Variants in CLSTN2 observed in about 807,000 individuals in gnomAD.
CLSTN2 encodes calsyntenin 2, also known as calsyntenin-2.
CLSTN2 carries 48 observed loss-of-function variants against 101.2 expected under a neutral mutation model. The ratio of observed to expected loss-of-function variants is 0.47; its 90% CI spans 0.38 to 0.60. The LOEUF (loss-of-function observed/expected upper bound fraction) is 0.60, where lower values mean the gene tolerates loss of function less well. Among genes scored for constraint, CLSTN2 ranks in the 20% least tolerant of loss-of-function variants. CLSTN2 has a pLI of 0.00. For missense variants in CLSTN2, 1,160 were observed against 1,238.2 expected, an observed-to-expected ratio of 0.94 and a Z score of 0.95; for synonymous variants, 481 against 463.6, an observed-to-expected ratio of 1.04 and a Z score of -0.48.
intron 2 of CLSTN2, among the ~76,000 whole-genome samples, chr3:140,251,716 CA>C (rs2086566200): frequency 6.6e-6 from 1 of 151,430 alleles, no homozygotes; most frequent in Admixed American, 6.6e-5. Flanking sequence ...TTCATGCTGC[CA>C]ATGGTACATT....
chr3:140,163,312 G>C (rs924876717), intron 1 of CLSTN2, among the ~76,000 whole-genome samples: 1 of 151,962 alleles, frequency 6.6e-6, no homozygotes, highest in African/African-American at 2.4e-5. Flanking sequence ...CAAGATTGCA[G>C]CATCAACTTC....
At chr3:140,371,704 C>T (rs1177420095) in intron 2 of CLSTN2, among the ~76,000 whole-genome samples, 1 of 152,194 alleles carries the variant, frequency 6.6e-6, no homozygotes, top group Non-Finnish European at 1.5e-5. Context: ...TAGGACTAGC[C>T]AAGGACCACA....
intron 5 of CLSTN2, among the ~76,000 whole-genome samples, chr3:140,434,223 GA>G (rs1227933592): frequency 6.6e-6 from 1 of 152,160 alleles, no homozygotes; most frequent in East Asian, 1.9e-4. Context: ...GTGGAGGGAG[GA>G]ACTGGATGGA....
intron 2 of CLSTN2, among the ~76,000 whole-genome samples, chr3:140,350,351 G>A (rs551521850): frequency 3.3e-5 from 5 of 152,262 alleles, no homozygotes; most frequent in East Asian, 3.9e-4. Context: ...ACTAAAAAGC[G>A]AGCTACAGAA....
chr3:140,164,997 A>G (rs747076692), intron 1 of CLSTN2, among the ~76,000 whole-genome samples: 5 of 152,090 alleles, frequency 3.3e-5, no homozygotes, highest in Non-Finnish European at 7.4e-5. Flanking sequence ...AAGGAAGGAA[A>G]GCAATGTTCT....
chr3:140,268,750 GT>G (rs1401678465), intron 2 of CLSTN2, among the ~76,000 whole-genome samples: 4 of 152,274 alleles, frequency 2.6e-5, no homozygotes, highest in African/African-American at 9.6e-5. Flanking sequence ...ACTGTACATG[GT>G]ATAGTTGGCA....
rs750917702 is a variant in CLSTN2, at chr3:140,558,685, C to T, written c.1869C>T (p.Ala623=). The change falls in exon 12 of 17, where the codon GCC becomes GCT. Residue 623 remains alanine (A), a synonymous_variant. Coordinates refer to ENST00000458420, the MANE Select transcript of CLSTN2 (RefSeq NM_022131.3). Reference sequence around the variant, plus strand: ...GCATCAGTATCCCTGAGGTAGATGCCTATGTGATGGTCCTCCAGGCCATCG... The same window carrying T: ...GCATCAGTATCCCTGAGGTAGATGCTTATGTGATGGTCCTCCAGGCCATCG... The part of the protein sequence containing the change: ...DVCISIPEVD[A]YVMVLQAIEP... 14 of 1,613,872 alleles carry T rather than the reference C, an allele frequency of 8.7e-6. No homozygotes were observed. In the Admixed American group the frequency reaches 2.2e-4, roughly 25 times the overall value.
intron 5 of CLSTN2, among the ~76,000 whole-genome samples, chr3:140,446,786 C>T (rs1933090956): frequency 6.6e-6 from 1 of 152,182 alleles, no homozygotes; most frequent in Admixed American, 6.5e-5. Context: ...GATATTCAGG[C>T]CTCAGCTCAG....
chr3:140,228,881 G>A (rs1247178245), intron 2 of CLSTN2, among the ~76,000 whole-genome samples: 1 of 152,146 alleles, frequency 6.6e-6, no homozygotes, highest in East Asian at 1.9e-4. Flanking sequence ...CTCCCACTGG[G>A]TCCCTCCCAC....
chr3:140,355,365 T>C (rs1576529611), intron 2 of CLSTN2, among the ~76,000 whole-genome samples: 1 of 152,314 alleles, frequency 6.6e-6, no homozygotes, highest in Non-Finnish European at 1.5e-5. Context: ...ATCTGTTAAA[T>C]GGGAATATTA....
At chr3:139,952,522 G>T (rs141593164) in intron 1 of CLSTN2, among the ~76,000 whole-genome samples, 1 of 152,078 alleles carries the variant, frequency 6.6e-6, no homozygotes, top group African/African-American at 2.4e-5. Context: ...ACTTTGTGGG[G>T]AATTTTTATC....
intron 2 of CLSTN2, among the ~76,000 whole-genome samples, chr3:140,183,080 T>C (rs1271352399): frequency 1.3e-5 from 2 of 152,028 alleles, no homozygotes; most frequent in African/African-American, 4.8e-5. Context: ...CATGGTCTGA[T>C]TGATGGTAGA....
At chr3:140,526,580 A>G (rs762304099) in intron 8 of CLSTN2, among the ~76,000 whole-genome samples, 9 of 133,802 alleles carry the variant, frequency 6.7e-5, no homozygotes, top group Non-Finnish European at 1.4e-4. Context: ...AATTTATATG[A>G]AACAAACAAA....
intron 1 of CLSTN2, among the ~76,000 whole-genome samples, chr3:140,067,963 C>T (rs188767246): frequency 6.6e-6 from 1 of 152,328 alleles, no homozygotes; most frequent in African/African-American, 2.4e-5. Flanking sequence ...ACTGCGTGTA[C>T]GAGACTTCTG....
chr3:140,462,650 A>G (rs1352192792), intron 7 of CLSTN2: 1 of 152,188 alleles, frequency 6.6e-6, no homozygotes, highest in Non-Finnish European at 1.5e-5. Flanking sequence ...AAAGAGAGAG[A>G]GTACCACTAA....
chr3:140,549,582 A>T (rs1000120887), intron 10 of CLSTN2, among the ~76,000 whole-genome samples: 38 of 150,406 alleles, frequency 2.5e-4, no homozygotes, highest in African/African-American at 9.2e-4. Flanking sequence ...AAATACTATG[A>T]CCCCATTTCA....
Position 140,329,081 on chromosome 3 carries a change from A to G in CLSTN2, c.233-74548A>G, listed in dbSNP as rs2087357816. 3.9e-5 allele frequency among the ~76,000 whole-genome samples: 6 copies of G among 152,238 alleles called. No homozygotes were observed. In the South Asian group the frequency reaches 1.2e-3, roughly 32 times the overall value. On this transcript the variant is annotated intron_variant, in intron 2 of 16. Coordinates refer to ENST00000458420, the MANE Select transcript of CLSTN2 (RefSeq NM_022131.3). ...ATTCAGTTCATCATTTGGCTGGAAT[A>G]GATGATCTGAAAGACTTCCTGTTGG...
At chr3:140,138,566 T>C (rs2009649679) in intron 1 of CLSTN2, among the ~76,000 whole-genome samples, 2 of 152,220 alleles carry the variant, frequency 1.3e-5, no homozygotes, top group Admixed American at 6.5e-5. Context: ...ACCTCAAATC[T>C]GAAGGACAAA....
intron 2 of CLSTN2, among the ~76,000 whole-genome samples, chr3:140,235,324 A>C (rs1576477780): frequency 6.6e-6 from 1 of 152,196 alleles, no homozygotes; most frequent in East Asian, 1.9e-4. Context: ...CGCCACCCTT[A>C]TTACCCTTTC....
Sources: allele counts gnomAD v4.1 joint callset (sites outside exome capture counted in the v4.1 genomes callset), GRCh38; gene constraint gnomAD v4.1.1; transcripts MANE v1.5; gene names NCBI Gene and HGNC (gene_info 2026-07-23, HGNC 2026-07-21).